The following ACAT2 variants were observed in gnomAD, a reference collection of about 807,000 sequenced individuals.
ACAT2 encodes acetyl-CoA acetyltransferase 2.
A neutral mutation model predicts 37.1 loss-of-function variants in ACAT2; 26 were observed. That is an observed-to-expected ratio of 0.70 (90% confidence interval 0.51 to 0.97). ACAT2 has a LOEUF of 0.97. Ranked by LOEUF, ACAT2 falls within the 50% of genes least tolerant of loss-of-function variation. The pLI, the probability that ACAT2 is intolerant of heterozygous loss-of-function variation, is 0.00. For synonymous variants in ACAT2, 156 were observed against 163.6 expected (o/e 0.95, Z 0.35); for missense variants, 468 against 489.0 (o/e 0.96, Z 0.40).
rs916010943 is a variant in ACAT2 at position 159,770,527 on chromosome 6, T to C, written c.490+1899T>C. ...ATCTGAAATTAAGAATTCACTGGGA[T>C]GGGGCCGGGCATGGTGGCTCGCACC... On this transcript the variant is annotated intron_variant, in intron 4 of 8. Transcript: ENST00000367048. Among the ~76,000 whole-genome samples the C allele has an allele frequency of 2.0e-5, 3 of 152,192 alleles. No homozygotes were observed. The East Asian group carries it at 5.8e-4, about 29-fold the overall frequency.
Position 159,763,004 on chromosome 6 carries a change from G to A in ACAT2, c.141G>A (p.Val47=), listed in dbSNP as rs1341328124. 1.2e-6 allele frequency: 2 copies of A among 1,614,032 alleles called. No individual in the cohort carries two copies. The highest frequency in any genetic ancestry group is 1.3e-5 in the African/African-American group (1 of 74,908). ...AAGAAGTCTTGAAGAGGGCCACTGT[G>A]GCTCCGGAAGATGTGTCTGAGGTCA... ...VIKEVLKRAT[V]APEDVSEVIF... The change falls in exon 2 of 9, where the codon GTG becomes GTA. Residue 47 remains valine, a synonymous_variant. Coordinates refer to ENST00000367048, the MANE Select transcript of ACAT2 (RefSeq NM_005891.3).
intron 4 of ACAT2, among the ~76,000 whole-genome samples, chr6:159,771,616 A>G (rs1023195437): frequency 1.3e-5 from 2 of 151,594 alleles, no homozygotes; most frequent in Non-Finnish European, 2.9e-5. Flanking sequence ...ATGCCACTGC[A>G]CTCCAGTCTG....
intron 4 of ACAT2, among the ~76,000 whole-genome samples, chr6:159,774,910 C>T (rs1277893158): frequency 1.3e-5 from 2 of 152,064 alleles, no homozygotes; most frequent in Non-Finnish European, 2.9e-5. Flanking sequence ...TAAATGGTGA[C>T]TCTGGGTGAA....
chr6:159,776,016 A>G, intron 5 of ACAT2, 134 bp from the exon 6 acceptor site: 2 of 944,184 alleles, frequency 2.1e-6, no homozygotes, highest in Non-Finnish European at 1.6e-6. Context: ...TCCTGTTGTC[A>G]TCAAAGTGGT....
intron 4 of ACAT2, among the ~76,000 whole-genome samples, chr6:159,772,115 C>T (rs1159436926): frequency 6.6e-6 from 1 of 152,146 alleles, no homozygotes; most frequent in Non-Finnish European, 1.5e-5. Flanking sequence ...GTCCCAGCTA[C>T]TCTGGAGGCC....
At chr6:159,768,697 CT>C in intron 4 of ACAT2, 69 bp downstream of exon 4, 1 of 1,100,912 alleles carries the variant, frequency 9.1e-7, no homozygotes, top group Non-Finnish European at 1.4e-6. Flanking sequence ...TAATCTGCTT[CT>C]TAGGTGCTTT....
chr6:159,763,198 T>C, intron 2 of ACAT2, 145 bp downstream of exon 2: 1 of 1,144,842 alleles, frequency 8.7e-7, no homozygotes, highest in South Asian at 1.6e-5. Context: ...TTCCCTCTGT[T>C]ATGATTCCTC....
chr6:159,772,433 T>C (rs7758895), intron 4 of ACAT2, among the ~76,000 whole-genome samples: 117,404 of 152,084 alleles, frequency 0.77, 45,666 homozygotes, highest in South Asian at 0.85. Context: ...GACTTATGCT[T>C]GTTTTCAACA....
chr6:159,763,629 C>CTTTTTTTTTTTTTTT lies in ACAT2; in HGVS notation c.190+590_190+604dup, dbSNP rs765044833. Among the ~76,000 whole-genome samples, 9 of 76,376 alleles carry CTTTTTTTTTTTTTTT rather than the reference C, an allele frequency of 1.2e-4. 1 individual carries two copies. Among genetic ancestry groups the CTTTTTTTTTTTTTTT allele is most frequent in the East Asian group, 3.2e-4 (1 of 3,168 alleles). 50.1% of individuals were successfully genotyped at this position (76,376 alleles called of 152,430 possible). A position where few individuals can be genotyped will look rare whatever the true frequency, so the allele number is the denominator to read the frequency against. ...ACCACCTACACTGCCTTTTCTTTTC[C>CTTTTTTTTTTTTTTT]TTTTTTTTTTTTTTTTTTTTTTTTT... On this transcript the variant is annotated intron_variant, in intron 2 of 8. Coordinates refer to ENST00000367048, the MANE Select transcript of ACAT2 (RefSeq NM_005891.3).
intron 4 of ACAT2, 81 bp downstream of exon 4, chr6:159,768,709 C>T (rs1370508835): frequency 2.2e-5 from 20 of 924,762 alleles, no homozygotes; most frequent in African/African-American, 4.9e-5. Flanking sequence ...TAGGTGCTTT[C>T]GTCCTTATGG....
In ACAT2 at chr6:159,766,451, G is replaced by A. The variant is rs183615662; in HGVS notation, c.191-554G>A. On this transcript the variant is annotated intron_variant, in intron 2 of 8. Transcript: ENST00000367048. Reference sequence around the variant, plus strand: ...AGTTTCGCCCTTGTTGCCCAGGCTGGAGTGTAATGGTGTGATCTCAGCTCA... The same window carrying A: ...AGTTTCGCCCTTGTTGCCCAGGCTGAAGTGTAATGGTGTGATCTCAGCTCA... Among the ~76,000 whole-genome samples, 1,194 of 152,010 alleles carry A rather than the reference G, an allele frequency of 7.9e-3. 5 individuals are homozygous for A. Among genetic ancestry groups the A allele is most frequent in the Non-Finnish European group, 0.011 (752 of 67,974 alleles).
chr6:159,775,508 G>A, intron 5 of ACAT2, 195 bp downstream of exon 5: 1 of 577,720 alleles, frequency 1.7e-6, no homozygotes, highest in Non-Finnish European at 2.9e-6. Context: ...ACCTATGTCA[G>A]CACTCAAGCA....
At chr6:159,772,821 A>C (rs7759086) in intron 4 of ACAT2, among the ~76,000 whole-genome samples, 3 of 151,276 alleles carry the variant, frequency 2.0e-5, no homozygotes, top group Non-Finnish European at 4.4e-5. Context: ...AAAAAAAAAA[A>C]AAAGAAAGAA....
At chr6:159,778,377 T>TA (rs1780474107) in intron 8 of ACAT2, 97 bp downstream of exon 8, 1 of 772,200 alleles carries the variant, frequency 1.3e-6, no homozygotes, top group Admixed American at 3.4e-5. Context: ...GGGTAATAGT[T>TA]AAAGAAATAC....
Position 159,779,007 on chromosome 6 carries a change from T to C in ACAT2, c.*178T>C, listed in dbSNP as rs761465923. 14 of 1,595,898 alleles carry C rather than the reference T, an allele frequency of 8.8e-6. No individual in the cohort carries two copies. The Admixed American group carries it at 2.2e-4, about 25-fold the overall frequency. ...ATACTCAACTCAAGGTACAAGACAA[T>C]TGCATTTAACATTGTTATAAATAAA... On this transcript the variant is annotated 3_prime_UTR_variant, in exon 9 of 9. Coordinates refer to ENST00000367048, the MANE Select transcript of ACAT2 (RefSeq NM_005891.3).
At position 159,767,047 on chromosome 6, in the gene ACAT2, G is replaced by A; in HGVS notation, c.233G>A (p.Gly78Glu). Residue 78 changes from glycine (G) to glutamate (E), a missense_variant, in exon 3 of 9, where the codon GGA becomes GAA. Transcript: ENST00000367048. ...GTTAGACAAGCCAGTGTGGGTGCAG[G>A]AATTCCCTACTCTGTTCCAGCATGG... ...NPVRQASVGA[G>E]IPYSVPAWSC... 2 of 1,614,108 alleles carry A rather than the reference G, an allele frequency of 1.2e-6. No homozygotes were observed. Among genetic ancestry groups the A allele is most frequent in the African/African-American group, 1.3e-5 (1 of 75,036 alleles).
At chr6:159,769,134 C>G (rs1780298562) in intron 4 of ACAT2, among the ~76,000 whole-genome samples, 1 of 152,148 alleles carries the variant, frequency 6.6e-6, no homozygotes, top group Non-Finnish European at 1.5e-5. Context: ...AGTTAAGCAC[C>G]TTGCTCAAAT....
chr6:159,768,611 G>C lies in ACAT2; in HGVS notation c.473G>C (p.Cys158Ser). 4 of 1,609,918 alleles carry C rather than the reference G, an allele frequency of 2.5e-6. No homozygotes were observed. Among genetic ancestry groups the C allele is most frequent in the Non-Finnish European group, 3.4e-6 (4 of 1,176,242 alleles). The part of the protein sequence containing the change: ...CDGLTDAFHN[C>S]HMGITAENVA... Reference sequence around the variant, plus strand: ...GGTCTTACAGATGCATTTCACAACTGTCATATGGGTATTACAGGTAAGGCA... The same window carrying C: ...GGTCTTACAGATGCATTTCACAACTCTCATATGGGTATTACAGGTAAGGCA... The change falls in exon 4 of 9, where the codon TGT (cysteine) becomes TCT (serine). Residue 158 changes from cysteine (C) to serine (S), a missense_variant. Physicochemically the swap from Cys to Ser is moderately radical, Grantham distance 112. Coordinates refer to ENST00000367048, the MANE Select transcript of ACAT2 (RefSeq NM_005891.3).
In ACAT2 at chr6:159,762,983, A is replaced by G. The variant is rs1291442751; in HGVS notation, c.120A>G (p.Glu40=). The change falls in exon 2 of 9, where the codon GAA becomes GAG. Residue 40 remains glutamate (E), a synonymous_variant. Transcript: ENST00000367048. ...ACCTGGGCTCCACTGTCATCAAAGA[A>G]GTCTTGAAGAGGGCCACTGTGGCTC... ...VQDLGSTVIK[E]VLKRATVAPE... 6.2e-7 allele frequency: 1 copy of G among 1,614,112 alleles called. No homozygotes were observed. Among genetic ancestry groups the G allele is most frequent in the Non-Finnish European group, 8.5e-7 (1 of 1,180,004 alleles).
Sources: allele counts gnomAD v4.1 joint callset (sites outside exome capture counted in the v4.1 genomes callset), GRCh38; gene constraint gnomAD v4.1.1; transcripts MANE v1.5; gene names NCBI Gene and HGNC (gene_info 2026-07-23, HGNC 2026-07-21).